The following GABRG3 variants were observed in gnomAD, a reference collection of about 807,000 sequenced individuals.
GABRG3 encodes the protein gamma-aminobutyric acid type A receptor subunit gamma3, also known as gamma-aminobutyric acid receptor subunit gamma-3.
Under a neutral mutation model 48.8 loss-of-function variants are expected in GABRG3, and 25 were observed. The ratio of observed to expected loss-of-function variants is 0.51; its 90% CI spans 0.37 to 0.72. The LOEUF is 0.72. Among genes scored for constraint, GABRG3 ranks in the 30% least tolerant of loss-of-function variants. GABRG3 has a pLI of 0.00. For missense variants in GABRG3, 394 were observed against 577.9 expected, an observed-to-expected ratio of 0.68 and a Z score of 3.26; for synonymous variants, 227 against 217.6, an observed-to-expected ratio of 1.04 and a Z score of -0.38.
At chr15:27,197,019 A>G (rs1888518018) in intron 3 of GABRG3, among the ~76,000 whole-genome samples, 1 of 152,234 alleles carries the variant, frequency 6.6e-6, no homozygotes, top group Non-Finnish European at 1.5e-5. Context: ...GGCGGATGTC[A>G]CACTCTGCAA....
intron 3 of GABRG3, among the ~76,000 whole-genome samples, chr15:27,273,998 G>A (rs988062920): frequency 6.6e-6 from 1 of 152,180 alleles, no homozygotes; most frequent in African/African-American, 2.4e-5. Flanking sequence ...CTCCTCCCAA[G>A]CTTGCGCATG....
chr15:27,275,104 G>A (rs2140476014), intron 3 of GABRG3, among the ~76,000 whole-genome samples: 1 of 152,260 alleles, frequency 6.6e-6, no homozygotes, highest in East Asian at 1.9e-4. Context: ...GCTTAACCAT[G>A]ACCTCTAGGA....
chr15:27,216,925 C>A, intron 3 of GABRG3, among the ~76,000 whole-genome samples: 1 of 138,432 alleles, frequency 7.2e-6, no homozygotes, highest in Non-Finnish European at 1.5e-5. Context: ...TATCCCTGCC[C>A]CCTCCCCCGA....
At chr15:27,189,392 CTT>C (rs1392594287) in intron 3 of GABRG3, among the ~76,000 whole-genome samples, 2 of 152,168 alleles carry the variant, frequency 1.3e-5, no homozygotes, top group East Asian at 3.8e-4. Context: ...TTTGTATCCT[CTT>C]TTATTTCATT....
intron 6 of GABRG3, among the ~76,000 whole-genome samples, chr15:27,497,255 CTGATA>C (rs1566867289): frequency 6.6e-6 from 1 of 152,126 alleles, no homozygotes; most frequent in Non-Finnish European, 1.5e-5. Flanking sequence ...ACTGTGCTTC[CTGATA>C]TAATACTTCC....
intron 2 of GABRG3, among the ~76,000 whole-genome samples, chr15:27,013,772 G>A (rs1895729730): frequency 6.6e-6 from 1 of 151,984 alleles, no homozygotes; most frequent in Non-Finnish European, 1.5e-5. Context: ...TTTGTAGTAA[G>A]TTTTTGAAAT....
At chr15:27,325,192 A>G (rs1192723612) in intron 3 of GABRG3, among the ~76,000 whole-genome samples, 5 of 152,206 alleles carry the variant, frequency 3.3e-5, no homozygotes, top group African/African-American at 4.8e-5. Flanking sequence ...ACACATGCAC[A>G]CACTCACACA....
At chr15:27,268,215 T>C (rs1453882583) in intron 3 of GABRG3, among the ~76,000 whole-genome samples, 1 of 152,218 alleles carries the variant, frequency 6.6e-6, no homozygotes, top group African/African-American at 2.4e-5. Context: ...AATTTTAACA[T>C]AGATATAAAG....
intron 3 of GABRG3, among the ~76,000 whole-genome samples, chr15:27,290,597 A>C (rs1891763449): frequency 6.6e-6 from 1 of 152,140 alleles, no homozygotes; most frequent in East Asian, 1.9e-4. Context: ...CACTAGGGAA[A>C]CAACAGAAAG....
At chr15:27,310,826 A>G (rs534379472) in intron 3 of GABRG3, among the ~76,000 whole-genome samples, 2 of 152,268 alleles carry the variant, frequency 1.3e-5, no homozygotes, top group South Asian at 2.1e-4. Context: ...CCAAGCATAT[A>G]TACACATTAG....
Position 27,535,799 on chromosome 15 carries a change from T to C in GABRG3, c.*2918T>C, listed in dbSNP as rs1891534344. 1 of 152,250 alleles carries C rather than the reference T, an allele frequency of 6.6e-6. No individual in the cohort carries two copies. The highest frequency in any genetic ancestry group is 1.5e-5 in the Non-Finnish European group (1 of 68,072). 9.4% of individuals were successfully genotyped at this position (152,250 alleles called of 1,614,324 possible). A position where few individuals can be genotyped will look rare whatever the true frequency, so the allele number is the denominator to read the frequency against. ...GCAGAGCTCAGGGGATTTTTAATCATGTACATGTTTACTTTCTAGAGGAAG... is the reference window on the plus strand; with the variant it reads ...GCAGAGCTCAGGGGATTTTTAATCACGTACATGTTTACTTTCTAGAGGAAG... On this transcript the variant is annotated 3_prime_UTR_variant, in exon 10 of 10. Transcript: ENST00000615808.
intron 3 of GABRG3, among the ~76,000 whole-genome samples, chr15:27,306,585 CATATAATATAAACATA>C (rs1892479347): frequency 1.4e-4 from 6 of 42,538 alleles, no homozygotes; most frequent in Non-Finnish European, 2.8e-4. Flanking sequence ...TATATATAAA[CATATAATATAAACATA>C]TGTTTATATA....
intron 3 of GABRG3, among the ~76,000 whole-genome samples, chr15:27,115,899 G>T (rs1010025270): frequency 2.0e-5 from 3 of 152,184 alleles, no homozygotes; most frequent in African/African-American, 7.2e-5. Context: ...AAGGGGTAAA[G>T]TCAGATTTTA....
At chr15:27,411,068 A>G (rs1301877398) in intron 5 of GABRG3, among the ~76,000 whole-genome samples, 3 of 152,038 alleles carry the variant, frequency 2.0e-5, no homozygotes, top group Non-Finnish European at 4.4e-5. Flanking sequence ...CTTCAGTTAG[A>G]TATTAGAGCT....
At chr15:27,530,057 G>A (rs925261992) in intron 9 of GABRG3, among the ~76,000 whole-genome samples, 5 of 152,126 alleles carry the variant, frequency 3.3e-5, no homozygotes, top group Admixed American at 2.0e-4. Flanking sequence ...CTGTCCTCCG[G>A]TCTGCAGCCT....
chr15:27,125,271 C>T, intron 3 of GABRG3, among the ~76,000 whole-genome samples: 1 of 151,794 alleles, frequency 6.6e-6, no homozygotes. Flanking sequence ...CATGGTCTCA[C>T]TTATATGTGG....
At chr15:27,462,193 C>T (rs1280709041) in intron 5 of GABRG3, among the ~76,000 whole-genome samples, 1 of 152,144 alleles carries the variant, frequency 6.6e-6, no homozygotes, top group African/African-American at 2.4e-5. Context: ...TGAGCCGGCT[C>T]CTCACTCCCA....
intron 5 of GABRG3, among the ~76,000 whole-genome samples, chr15:27,393,358 AAAAAG>A (rs1392263659): frequency 1.9e-4 from 27 of 141,314 alleles, no homozygotes; most frequent in Admixed American, 8.0e-4. Context: ...AAAAAAAAAA[AAAAAG>A]AAAAGAAAAG....
At chr15:27,271,184 G>A (rs536541509) in intron 3 of GABRG3, among the ~76,000 whole-genome samples, 1 of 152,306 alleles carries the variant, frequency 6.6e-6, no homozygotes, top group South Asian at 2.1e-4. Flanking sequence ...AGGAGTACCC[G>A]AGAGGACAAG....
Sources: gnomAD v4.1 joint callset for allele counts (sites outside exome capture counted in the v4.1 genomes callset) on GRCh38, gnomAD v4.1.1 for gene constraint, MANE v1.5 for transcripts, NCBI Gene and HGNC (gene_info 2026-07-23, HGNC 2026-07-21) for gene names.